Variants in KCNMB3 observed in about 807,000 individuals in gnomAD.
KCNMB3 encodes calcium-activated potassium channel subunit beta-3.
Under a neutral mutation model 11.9 loss-of-function variants are expected in KCNMB3, and 18 were observed. The observed-to-expected ratio is 1.51, with a 90% CI of 1.04 to 2.23. KCNMB3 has a LOEUF of 2.23. Among genes scored for constraint, KCNMB3 ranks in the 30% most tolerant of loss-of-function variants. The pLI, the probability that KCNMB3 is intolerant of heterozygous loss-of-function variation, is 0.00. For missense variants in KCNMB3, 247 were observed against 329.4 expected, an observed-to-expected ratio of 0.75 and a Z score of 1.94; for synonymous variants, 78 against 119.2, an observed-to-expected ratio of 0.65 and a Z score of 2.25.
At chr3:179,266,817 C>G in exon 1 of KCNMB3, 1 of 1,475,140 alleles carries the variant, frequency 6.8e-7, no homozygotes, top group Non-Finnish European at 9.0e-7. Context: ...CCAGCGGGAG[C>G]CCCCAGCCCC....
chr3:179,265,914 G>A (rs548508493), intron 1 of KCNMB3, among the ~76,000 whole-genome samples: 5 of 152,292 alleles, frequency 3.3e-5, no homozygotes, highest in Non-Finnish European at 7.4e-5. Context: ...TCATTTCCCT[G>A]GGGAGAAAAC....
rs764610397 is a variant in KCNMB3 at position 179,242,888 on chromosome 3, T to A, written c.*16A>T. On this transcript the variant is annotated 3_prime_UTR_variant, in exon 3 of 3. Transcript: ENST00000392685. ...CACAGACATCTGAAGGCCAGCACTTTAATTTGGCCACCGTCTTAAGATTTC... is the reference window on the plus strand; with the variant it reads ...CACAGACATCTGAAGGCCAGCACTTAAATTTGGCCACCGTCTTAAGATTTC... 1.3e-6 allele frequency: 2 copies of A among 1,565,980 alleles called. No individual in the cohort carries two copies. The highest frequency in any genetic ancestry group is 2.2e-5 in the East Asian group (1 of 44,570).
At chr3:179,266,279 G>A (rs1051717169) in intron 1 of KCNMB3, among the ~76,000 whole-genome samples, 1 of 152,150 alleles carries the variant, frequency 6.6e-6, no homozygotes, top group South Asian at 2.1e-4. Flanking sequence ...CAAGGGCTGT[G>A]ACTCCAGGGC....
intron 1 of KCNMB3, chr3:179,261,269 G>A: frequency 3.1e-6 from 4 of 1,311,318 alleles, no homozygotes; most frequent in Non-Finnish European, 3.9e-6. Context: ...CGCGGGGCTG[G>A]TCAACCTGCT....
At chr3:179,258,960 G>C in intron 1 of KCNMB3, 1 of 1,614,066 alleles carries the variant, frequency 6.2e-7, no homozygotes. Flanking sequence ...TGGCAGTGGA[G>C]AGAAAAGAGC....
At chr3:179,245,269 T>C (rs1179846430) in intron 1 of KCNMB3, among the ~76,000 whole-genome samples, 1 of 151,832 alleles carries the variant, frequency 6.6e-6, no homozygotes, top group Non-Finnish European at 1.5e-5. Flanking sequence ...ACAGGGCCGT[T>C]GGTCAACATA....
At chr3:179,265,081 G>A (rs1468923) in intron 1 of KCNMB3, among the ~76,000 whole-genome samples, 62,695 of 152,016 alleles carry the variant, frequency 0.41, 15,362 homozygotes, top group African/African-American at 0.69. Flanking sequence ...ATTGTGTGAC[G>A]TATGGGACAC....
chr3:179,258,922 C>G (rs1199200303), intron 1 of KCNMB3: 1 of 1,611,634 alleles, frequency 6.2e-7, no homozygotes, highest in African/African-American at 1.3e-5. Context: ...CAGTGCATCT[C>G]TATGAATTTA....
chr3:179,250,943 A>C lies in KCNMB3; in HGVS notation c.48T>G (p.Phe16Leu), dbSNP rs1272087791. 2 of 1,614,040 alleles carry C rather than the reference A, an allele frequency of 1.2e-6. No individual in the cohort carries two copies. Among genetic ancestry groups the C allele is most frequent in the Non-Finnish European group, 8.5e-7 (1 of 1,180,014 alleles). The change falls in exon 1 of 3, where the codon TTT (phenylalanine) becomes TTG (leucine). Residue 16 changes from phenylalanine (F) to leucine (L), a missense_variant. Phe to Leu is a conservative substitution (Grantham distance 22, BLOSUM62 0). Coordinates refer to ENST00000392685, the MANE Select transcript of KCNMB3 (RefSeq NM_171830.2). ...YELTAVSPSP[F>L]PQRTAFPASG... ...AGGCAGGAAAGGCTGTCCTTTGGGG[A>C]AAGGGAGAAGGAGATACTGCAGTGA...
At chr3:179,254,491 G>A (rs1450388110), upstream of KCNMB3, among the ~76,000 whole-genome samples, 1 of 152,126 alleles carries the variant, frequency 6.6e-6, no homozygotes, top group Non-Finnish European at 1.5e-5. Context: ...TTCTCTGTAG[G>A]CACACACATT....
intron 1 of KCNMB3, chr3:179,259,774 G>C: frequency 6.2e-7 from 1 of 1,601,166 alleles, no homozygotes; most frequent in Non-Finnish European, 8.5e-7. Flanking sequence ...TCTCCCTGTT[G>C]GTCATTCTTT....
chr3:179,260,603 A>T, intron 1 of KCNMB3: 2 of 1,451,750 alleles, frequency 1.4e-6, no homozygotes, highest in Non-Finnish European at 1.9e-6. Flanking sequence ...TTCTTTCGTC[A>T]TCTTGGTAGG....
chr3:179,247,268 GCA>G (rs1326329485), intron 1 of KCNMB3, among the ~76,000 whole-genome samples: 1 of 151,894 alleles, frequency 6.6e-6, no homozygotes, highest in Non-Finnish European at 1.5e-5. Flanking sequence ...ATCTGCCTGT[GCA>G]CACACACGGA....
At chr3:179,243,422 T>C in intron 2 of KCNMB3, 138 bp from the exon 3 acceptor site, 1 of 616,404 alleles carries the variant, frequency 1.6e-6, no homozygotes, top group South Asian at 2.0e-5. Context: ...AAATATTACA[T>C]AGCTCATGGG....
chr3:179,266,827 C>G, exon 1 of KCNMB3: 1 of 1,467,046 alleles, frequency 6.8e-7, no homozygotes, highest in Non-Finnish European at 9.0e-7. Flanking sequence ...CCCCCAGCCC[C>G]CAGCGCAGCT....
intron 1 of KCNMB3, among the ~76,000 whole-genome samples, chr3:179,265,076 G>A (rs1381499262): frequency 6.6e-6 from 1 of 152,172 alleles, no homozygotes; most frequent in Non-Finnish European, 1.5e-5. Context: ...AGTTAATTGT[G>A]TGACGTATGG....
downstream of KCNMB3, chr3:179,240,737 T>C (rs1725433894): frequency 6.6e-6 from 1 of 152,062 alleles, no homozygotes; most frequent in East Asian, 1.9e-4. Context: ...ACTGTGGTAA[T>C]TGAAACACAC....
At chr3:179,240,688 T>C (rs1268407923), downstream of KCNMB3, 6 of 152,278 alleles carry the variant, frequency 3.9e-5, no homozygotes, top group East Asian at 1.9e-4. Flanking sequence ...ATCTCTCTCT[T>C]TGCTGGAATG....
intron 1 of KCNMB3, among the ~76,000 whole-genome samples, chr3:179,246,233 G>A (rs529603834): frequency 8.6e-4 from 131 of 152,196 alleles, no homozygotes; most frequent in African/African-American, 3.0e-3. Flanking sequence ...CCAACATGGC[G>A]AAACCACGTC....
Sources: gnomAD v4.1 joint callset for allele counts (sites outside exome capture counted in the v4.1 genomes callset) on GRCh38, gnomAD v4.1.1 for gene constraint, MANE v1.5 for transcripts, NCBI Gene and HGNC (gene_info 2026-07-23, HGNC 2026-07-21) for gene names.